SLC24A4: variants seen among roughly 807,000 people sequenced by gnomAD.
SLC24A4 encodes the protein solute carrier family 24 member 4, also known as sodium/potassium/calcium exchanger 4.
In SLC24A4, 53 loss-of-function variants were observed where a neutral mutation model predicts 79.0. The ratio of observed to expected loss-of-function variants is 0.67; its 90% CI spans 0.54 to 0.84. The LOEUF is 0.84. Ranked by LOEUF, SLC24A4 falls within the 40% of genes least tolerant of loss-of-function variation. SLC24A4 has a pLI of 0.00. For missense variants in SLC24A4, 731 were observed against 822.0 expected (o/e 0.89, Z 1.35); for synonymous variants, 323 against 323.8 (o/e 1.00, Z 0.03).
chr14:92,355,197 C>T (rs867860582), intron 2 of SLC24A4, among the ~76,000 whole-genome samples: 1 of 152,138 alleles, frequency 6.6e-6, no homozygotes, highest in Non-Finnish European at 1.5e-5. Flanking sequence ...GCAGAGGCCT[C>T]AATTCGCTGA....
chr14:92,455,228 G>T (rs146412332), intron 11 of SLC24A4, among the ~76,000 whole-genome samples: 1 of 152,170 alleles, frequency 6.6e-6, no homozygotes, highest in Non-Finnish European at 1.5e-5. Context: ...TAATGTGAGG[G>T]TATTGAACAG....
chr14:92,342,183 A>G (rs992234409), intron 2 of SLC24A4, among the ~76,000 whole-genome samples: 2 of 152,006 alleles, frequency 1.3e-5, no homozygotes, highest in African/African-American at 4.8e-5. Context: ...CCAAGAGATC[A>G]CGGAGGAGAT....
chr14:92,399,701 C>G (rs148635273), intron 2 of SLC24A4, among the ~76,000 whole-genome samples: 404 of 152,326 alleles, frequency 2.7e-3, no homozygotes, highest in African/African-American at 8.8e-3. Flanking sequence ...ATTTACTTCT[C>G]TGGTAACCAG....
chr14:92,373,096 G>A (rs1566722259), intron 2 of SLC24A4, among the ~76,000 whole-genome samples: 1 of 150,682 alleles, frequency 6.6e-6, no homozygotes, highest in Non-Finnish European at 1.5e-5. Context: ...TCCACCTCCT[G>A]GGTCAAGCAA....
At chr14:92,333,105 T>A (rs183788065) in intron 2 of SLC24A4, among the ~76,000 whole-genome samples, 15 of 152,140 alleles carry the variant, frequency 9.9e-5, no homozygotes, top group African/African-American at 2.6e-4. Flanking sequence ...GTTTAAAAAA[T>A]TTTTTTTGGA....
At chr14:92,348,694 C>A (rs536587076) in intron 2 of SLC24A4, among the ~76,000 whole-genome samples, 2 of 152,256 alleles carry the variant, frequency 1.3e-5, no homozygotes, top group African/African-American at 4.8e-5. Flanking sequence ...AAGATTGCCA[C>A]TTGAGAAATC....
intron 2 of SLC24A4, among the ~76,000 whole-genome samples, chr14:92,419,653 G>A (rs1566753220): frequency 1.3e-5 from 2 of 152,348 alleles, no homozygotes; most frequent in East Asian, 1.9e-4. Flanking sequence ...AGACTGGACA[G>A]CAGATGTGAA....
intron 13 of SLC24A4, 65 bp downstream of exon 13, chr14:92,482,911 A>ACCT: frequency 6.6e-7 from 1 of 1,512,170 alleles, no homozygotes; most frequent in Middle Eastern, 1.9e-4. Context: ...GCTGGGTTCA[A>ACCT]GGCTAACCAC....
chr14:92,408,025 G>A (rs1017890994), intron 2 of SLC24A4, among the ~76,000 whole-genome samples: 18 of 152,090 alleles, frequency 1.2e-4, no homozygotes, highest in Admixed American at 6.6e-4. Flanking sequence ...CTACAGCAGT[G>A]TGTGTGTGAG....
chr14:92,344,838 C>T (rs781426766), intron 2 of SLC24A4, among the ~76,000 whole-genome samples: 47 of 152,070 alleles, frequency 3.1e-4, no homozygotes, highest in Non-Finnish European at 5.1e-4. Flanking sequence ...ACAGGGAGGG[C>T]GGGATGGAGC....
rs1415258640 is a variant in SLC24A4, at chr14:92,448,341, T to TACACACACACACACACACAC, written c.738-730_738-729insCACACACACACACACACACA. The stretch of plus-strand genomic sequence containing the variant: ...GTTATGACATATATTTTTTTCCCAC[T>TACACACACACACACACACAC]ACATACACACACACACACACACACA... On this transcript the variant is annotated intron_variant, in intron 9 of 16. Transcript: ENST00000532405. Among the ~76,000 whole-genome samples, 11 of 18,668 alleles carry TACACACACACACACACACAC rather than the reference T, an allele frequency of 5.9e-4. No individual in the cohort carries two copies. In the South Asian group the frequency reaches 7.4e-3, roughly 12 times the overall value. The allele number at this position is 18,668 out of a possible 152,430, so 12.2% of individuals were successfully genotyped here. A position where few individuals can be genotyped will look rare whatever the true frequency, so the allele number is the denominator to read the frequency against.
intron 2 of SLC24A4, among the ~76,000 whole-genome samples, chr14:92,352,737 T>A (rs1029120493): frequency 5.3e-5 from 8 of 151,680 alleles, no homozygotes; most frequent in Non-Finnish European, 1.2e-4. Context: ...TGTCGGAGGT[T>A]TGGTCCAGCT....
intron 2 of SLC24A4, among the ~76,000 whole-genome samples, chr14:92,424,629 A>G (rs1891468765): frequency 1.3e-5 from 2 of 152,054 alleles, no homozygotes; most frequent in South Asian, 2.1e-4. Context: ...TGGAAGGCCA[A>G]GGTGGGAGGG....
At chr14:92,462,008 C>T (rs1271227112) in intron 12 of SLC24A4, 3 of 152,242 alleles carry the variant, frequency 2.0e-5, no homozygotes, top group Non-Finnish European at 4.4e-5. Context: ...TTAATCTTCA[C>T]AGCTGCTTTG....
At chr14:92,410,130 G>A (rs1159090413) in intron 2 of SLC24A4, among the ~76,000 whole-genome samples, 1 of 152,100 alleles carries the variant, frequency 6.6e-6, no homozygotes, top group Non-Finnish European at 1.5e-5. Context: ...AAATCCCTGT[G>A]ACGCAAGTTT....
intron 4 of SLC24A4, among the ~76,000 whole-genome samples, chr14:92,440,690 G>C (rs1254036568): frequency 6.6e-6 from 1 of 152,008 alleles, no homozygotes; most frequent in East Asian, 1.9e-4. Context: ...TCTTAGCTCT[G>C]TAGGTAAGAC....
At chr14:92,428,779 G>T (rs150398512) in intron 2 of SLC24A4, among the ~76,000 whole-genome samples, 131 of 152,346 alleles carry the variant, frequency 8.6e-4, no homozygotes, top group East Asian at 6.0e-3. Context: ...GAGTCCCTTG[G>T]GGGGAGGGGA....
At chr14:92,339,540 G>A (rs974001757) in intron 2 of SLC24A4, among the ~76,000 whole-genome samples, 3 of 152,204 alleles carry the variant, frequency 2.0e-5, no homozygotes, top group East Asian at 1.9e-4. Context: ...CTCCCAGCTC[G>A]GAATTGGCAG....
chr14:92,381,435 G>A lies in SLC24A4; in HGVS notation c.242-52477G>A, dbSNP rs915900058. Reference sequence around the variant, plus strand: ...ATCATACCCTGGGGCCTGTCAGGACGGTGGGGAAAGGGGAGGGAGAGCATT... The same window carrying A: ...ATCATACCCTGGGGCCTGTCAGGACAGTGGGGAAAGGGGAGGGAGAGCATT... On this transcript the variant is annotated intron_variant, in intron 2 of 16. Coordinates refer to ENST00000532405, the MANE Select transcript of SLC24A4 (RefSeq NM_153646.4). Among the ~76,000 whole-genome samples the A allele has an allele frequency of 3.9e-5, 6 of 152,248 alleles. No homozygotes were observed. In the East Asian group the frequency reaches 7.7e-4, roughly 20 times the overall value.
Sources: allele counts gnomAD v4.1 joint callset (sites outside exome capture counted in the v4.1 genomes callset), GRCh38; gene constraint gnomAD v4.1.1; transcripts MANE v1.5; gene names NCBI Gene and HGNC (gene_info 2026-07-23, HGNC 2026-07-21).